The following FIP1L1 variants were observed in gnomAD, a reference collection of about 807,000 sequenced individuals.
FIP1L1 encodes the protein pre-mRNA 3'-end-processing factor FIP1.
A neutral mutation model predicts 84.6 loss-of-function variants in FIP1L1; 21 were observed. That is an observed-to-expected ratio of 0.25 (90% CI 0.18 to 0.36). The LOEUF is 0.36. FIP1L1 is among the 10% of genes least tolerant of loss of function. The probability of loss-of-function intolerance (pLI) is 1.00; values close to 1 mark genes in which losing one functional copy is unlikely to be tolerated. For missense variants in FIP1L1, 526 were observed against 751.1 expected, an observed-to-expected ratio of 0.70 and a Z score of 3.50; for synonymous variants, 263 against 242.3, an observed-to-expected ratio of 1.09 and a Z score of -0.80.
chr4:53,448,400 G>A (rs1775083993), intron 15 of FIP1L1, among the ~76,000 whole-genome samples: 1 of 151,960 alleles, frequency 6.6e-6, no homozygotes, highest in African/African-American at 2.4e-5. Context: ...CTGATATCTA[G>A]TGCATCAAAA....
intron 1 of FIP1L1, chr4:53,378,357 A>T (rs1735849031): frequency 6.3e-6 from 1 of 157,616 alleles, no homozygotes; most frequent in African/African-American, 2.4e-5. Context: ...ATAATAGCTA[A>T]ATAAAGTTAA....
Position 53,459,589 on chromosome 4 carries a change from TAA to T in FIP1L1, c.*143_*144del, listed in dbSNP as rs1268169666. 9 of 1,211,020 alleles carry T rather than the reference TAA, an allele frequency of 7.4e-6. No homozygotes were observed. Among genetic ancestry groups the T allele is most frequent in the East Asian group, 2.4e-5 (1 of 42,332 alleles). The allele number at this position is 1,211,020 out of a possible 1,614,324, so 75.0% of individuals were successfully genotyped here. ...TGAAAAGTTAACTTTTTTTCCAAAATAAAAGAGTGAATTTTTCATGTTAAGTT... is the reference window on the plus strand; with the variant it reads ...TGAAAAGTTAACTTTTTTTCCAAAATAAGAGTGAATTTTTCATGTTAAGTT... On this transcript the variant is annotated 3_prime_UTR_variant, in exon 18 of 18. Coordinates refer to ENST00000337488, the MANE Select transcript of FIP1L1 (RefSeq NM_030917.4).
chr4:53,408,950 G>A (rs555268052), intron 10 of FIP1L1, among the ~76,000 whole-genome samples: 9 of 151,756 alleles, frequency 5.9e-5, no homozygotes, highest in East Asian at 5.8e-4. Flanking sequence ...ATTTCCTCCC[G>A]TAGCTTGGAG....
chr4:53,386,796 A>G (rs544226646), intron 5 of FIP1L1, among the ~76,000 whole-genome samples: 72 of 152,292 alleles, frequency 4.7e-4, no homozygotes, highest in African/African-American at 1.6e-3. Context: ...AGCTTGTCCA[A>G]TGCACCTTAT....
rs562798162 is a variant in FIP1L1, at chr4:53,407,557, G to T, written c.816-7058G>T. ...GGTGCAGAGCTGAGTTCAAGTCCTG[G>T]GTATCCTTGTTAACTTTCTGTCTCG... On this transcript the variant is annotated intron_variant, in intron 10 of 17. Transcript: ENST00000337488. 1.6e-4 allele frequency among the ~76,000 whole-genome samples: 24 copies of T among 151,044 alleles called. 1 individual carries two copies. The South Asian group carries it at 5.2e-3, about 32-fold the overall frequency.
intron 11 of FIP1L1, among the ~76,000 whole-genome samples, chr4:53,416,814 A>G (rs1759702084): frequency 6.6e-6 from 1 of 152,024 alleles, no homozygotes; most frequent in Non-Finnish European, 1.5e-5. Flanking sequence ...AAATACAAAA[A>G]TTAGCCAGGC....
chr4:53,390,483 C>G (rs773815782), intron 6 of FIP1L1, 38 bp from the exon 7 acceptor site: 12 of 1,348,348 alleles, frequency 8.9e-6, no homozygotes, highest in Non-Finnish European at 1.3e-5. Flanking sequence ...TGGCTTCTTG[C>G]AAGTATAGCT....
intron 16 of FIP1L1, among the ~76,000 whole-genome samples, chr4:53,455,051 G>C (rs1718198534): frequency 6.6e-6 from 1 of 152,086 alleles, no homozygotes; most frequent in Non-Finnish European, 1.5e-5. Context: ...ACCTCTGCTA[G>C]CTTCCATTTC....
chr4:53,441,172 T>TTTAC (rs1467972426), intron 13 of FIP1L1, among the ~76,000 whole-genome samples: 1 of 151,948 alleles, frequency 6.6e-6, no homozygotes, highest in African/African-American at 2.4e-5. Flanking sequence ...TATTTATTTA[T>TTTAC]TTTTACATTT....
chr4:53,417,815 TCTCTCA>T (rs1760496655), intron 11 of FIP1L1, among the ~76,000 whole-genome samples: 1 of 86,124 alleles, frequency 1.2e-5, no homozygotes, highest in African/African-American at 4.0e-5. Flanking sequence ...TCTCTCTCTC[TCTCTCA>T]GGCTACTTTT....
rs533479452 is a variant in FIP1L1 at position 53,412,264 on chromosome 4, A to T, written c.816-2351A>T. On this transcript the variant is annotated intron_variant, in intron 10 of 17. Transcript: ENST00000337488. ...AAGCATGTATTTCCTCAGAACGAGG[A>T]CATTCTGTTAGATAATCATACGGCA... is the stretch of plus-strand genomic sequence containing the variant. Among the ~76,000 whole-genome samples, 3 of 152,224 alleles carry T rather than the reference A, an allele frequency of 2.0e-5. No individual in the cohort carries two copies. In the East Asian group the frequency reaches 5.8e-4, roughly 29 times the overall value.
rs140292188 is a variant in FIP1L1, at chr4:53,391,432, C to T, written c.639C>T (p.Ala213=). ...GGGGAATATGTTATTTAACTTAGGC[C>T]GAAGACTGTACTATGGAAGTTACAC... ...PVTSTTNKIT[A]EDCTMEVTPG... The change falls in exon 9 of 18, where the codon GCC becomes GCT. Residue 213 remains alanine (A), a splice_region_variant and synonymous_variant. Transcript: ENST00000337488. The T allele has an allele frequency of 5.0e-6, 8 of 1,611,432 alleles. No homozygotes were observed. The highest frequency in any genetic ancestry group is 3.3e-5 in the Admixed American group (2 of 59,976).
chr4:53,406,166 A>G (rs372373732), intron 10 of FIP1L1, among the ~76,000 whole-genome samples: 2 of 152,238 alleles, frequency 1.3e-5, no homozygotes, highest in East Asian at 3.9e-4. Context: ...AGCTCTTATT[A>G]TTTTGAGATA....
At position 53,422,410 on chromosome 4, in the gene FIP1L1, A is replaced by G. The variant is rs114307164; in HGVS notation, c.924-3462A>G. 7.8e-3 allele frequency among the ~76,000 whole-genome samples: 1,189 copies of G among 151,840 alleles called. 15 individuals carry two copies. The highest frequency in any genetic ancestry group is 0.027 in the African/African-American group (1,122 of 41,412). On this transcript the variant is annotated intron_variant, in intron 11 of 17. Coordinates refer to ENST00000337488, the MANE Select transcript of FIP1L1 (RefSeq NM_030917.4). ...GTCAATAAAGTTTAAAAACTATTGT[A>G]CTCATATTTTCTCTTAGACTCAGAG...
intron 16 of FIP1L1, 64 bp from the exon 17 acceptor site, chr4:53,458,589 C>T: frequency 6.5e-7 from 1 of 1,529,906 alleles, no homozygotes; most frequent in Non-Finnish European, 8.9e-7. Context: ...ATCTCTTTTA[C>T]AGTTTGAATC....
Position 53,382,326 on chromosome 4 carries a change from A to T in FIP1L1, c.219A>T (p.Val73=), listed in dbSNP as rs1194826119. 1.9e-6 allele frequency: 3 copies of T among 1,613,030 alleles called. No homozygotes were observed. The highest frequency in any genetic ancestry group is 1.1e-5 in the South Asian group (1 of 91,046). ...AAGATGAAACTGCTGAAAATGGTGTACCAAAACCGGTAACATAAGGCTTTG... is the reference window on the plus strand; with the variant it reads ...AAGATGAAACTGCTGAAAATGGTGTTCCAAAACCGGTAACATAAGGCTTTG... ...GIEDETAENG[V]PKPKVTETED... Residue 73 remains valine (V), a synonymous_variant, in exon 4 of 18, where the codon GTA becomes GTT. Transcript: ENST00000337488.
At position 53,383,812 on chromosome 4, in the gene FIP1L1, G is replaced by A. The variant is rs1355761572; in HGVS notation, c.268G>A (p.Asp90Asn). Reference sequence around the variant, plus strand: ...CGAAGATGATAGTGATAGTGACAGCGATGATGATGAAGATGATGTTCATGT... The same window carrying A: ...CGAAGATGATAGTGATAGTGACAGCAATGATGATGAAGATGATGTTCATGT... ...ETEDDSDSDS[D>N]DDEDDVHVTI... is the part of the protein sequence containing the mutation. The change falls in exon 5 of 18, where the codon GAT becomes AAT. Residue 90 changes from aspartate (D) to asparagine (N), a missense_variant. Around this residue, in one of 6 missense-constraint regions of FIP1L1, gnomAD observed 5 missense variants for 23.1 expected, o/e 0.22. Coordinates refer to ENST00000337488, the MANE Select transcript of FIP1L1 (RefSeq NM_030917.4). The A allele has an allele frequency of 1.2e-6, 2 of 1,611,024 alleles. No homozygotes were observed. The highest frequency in any genetic ancestry group is 1.7e-5 in the Admixed American group (1 of 59,984).
chr4:53,380,017 A>G (rs1160085000), intron 3 of FIP1L1, among the ~76,000 whole-genome samples: 2 of 152,220 alleles, frequency 1.3e-5, no homozygotes, highest in African/African-American at 4.8e-5. Flanking sequence ...TAGTGAGGAT[A>G]TGGGGAAATA....
At chr4:53,392,708 A>G (rs1744908962) in intron 9 of FIP1L1, among the ~76,000 whole-genome samples, 1 of 152,056 alleles carries the variant, frequency 6.6e-6, no homozygotes, top group South Asian at 2.1e-4. Context: ...TTTGTAGTAG[A>G]CTTAAAAAGA....
Sources: allele counts gnomAD v4.1 joint callset (sites outside exome capture counted in the v4.1 genomes callset), GRCh38; gene constraint gnomAD v4.1.1; regional missense constraint gnomAD v4.1.1; transcripts MANE v1.5; gene names NCBI Gene and HGNC (gene_info 2026-07-23, HGNC 2026-07-21).